RAPGEF6: variants seen among roughly 807,000 people sequenced by gnomAD.
RAPGEF6 encodes the protein Rap guanine nucleotide exchange factor 6.
RAPGEF6 carries 56 observed loss-of-function variants against 171.4 expected under a neutral mutation model. The observed-to-expected ratio is 0.33, with a 90% CI of 0.26 to 0.41. The LOEUF is 0.41. Ranked by LOEUF, RAPGEF6 falls within the 10% of genes least tolerant of loss-of-function variation. The probability of loss-of-function intolerance (pLI) is 1.00; values close to 1 mark genes in which losing one functional copy is unlikely to be tolerated. For synonymous variants in RAPGEF6, 692 were observed against 650.1 expected, an observed-to-expected ratio of 1.06 and a Z score of -0.98; for missense variants, 1,674 against 1,921.4, an observed-to-expected ratio of 0.87 and a Z score of 2.41.
chr5:131,498,175 A>G (rs1366544711), intron 12 of RAPGEF6, among the ~76,000 whole-genome samples: 1 of 152,166 alleles, frequency 6.6e-6, no homozygotes, highest in Non-Finnish European at 1.5e-5. Flanking sequence ...ATTCTAAAAT[A>G]CTCTCATGTA....
At chr5:131,621,211 C>T (rs531865875) in intron 1 of RAPGEF6, among the ~76,000 whole-genome samples, 2 of 152,278 alleles carry the variant, frequency 1.3e-5, no homozygotes, top group East Asian at 3.9e-4. Flanking sequence ...ATATCAAAAC[C>T]CATAGACACT....
chr5:131,465,138 T>C (rs1292518506), intron 17 of RAPGEF6, among the ~76,000 whole-genome samples: 1 of 152,160 alleles, frequency 6.6e-6, no homozygotes, highest in Non-Finnish European at 1.5e-5. Context: ...AGTCCAACTA[T>C]GAAGTGGAAA....
chr5:131,566,991 G>A (rs1437677449), intron 4 of RAPGEF6, among the ~76,000 whole-genome samples: 2 of 151,626 alleles, frequency 1.3e-5, no homozygotes, highest in Non-Finnish European at 2.9e-5. Context: ...CTACTCAGGA[G>A]GCTGAGGCAG....
chr5:131,427,136 T>C lies in RAPGEF6; in HGVS notation c.*130A>G, dbSNP rs1364847405. 2.4e-6 allele frequency: 2 copies of C among 830,574 alleles called. No homozygotes were observed. The highest frequency in any genetic ancestry group is 1.4e-5 in the South Asian group (1 of 69,324). The allele number at this position is 830,574 out of a possible 1,614,324, so 51.5% of individuals were successfully genotyped here. ...CTCAGGTCTATTTCATTGCTCGGAG[T>C]AGAGGGAATAAAACCTCTGGACTGG... On this transcript the variant is annotated 3_prime_UTR_variant, in exon 28 of 28. Transcript: ENST00000509018.
At chr5:131,479,293 C>A (rs564437274) in intron 16 of RAPGEF6, among the ~76,000 whole-genome samples, 1 of 151,954 alleles carries the variant, frequency 6.6e-6, no homozygotes, top group African/African-American at 2.4e-5. Context: ...ACAGTCTTTC[C>A]CAAAATTCAA....
Position 131,612,094 on chromosome 5 carries a change from C to T in RAPGEF6, c.70-7401G>A, listed in dbSNP as rs756849790. ...CTGTCACCCAGGCTGAGTGCAGTGA[C>T]GGCAATCATAGCTCACTGATGCCTC... On this transcript the variant is annotated intron_variant, in intron 1 of 27. Coordinates refer to ENST00000509018, the MANE Select transcript of RAPGEF6 (RefSeq NM_016340.6). Among the ~76,000 whole-genome samples the T allele has an allele frequency of 3.3e-5, 5 of 151,992 alleles. No homozygotes were observed. The South Asian group carries it at 1.0e-3, about 32-fold the overall frequency.
At chr5:131,623,366 A>T (rs1765705206) in intron 1 of RAPGEF6, among the ~76,000 whole-genome samples, 1 of 152,176 alleles carries the variant, frequency 6.6e-6, no homozygotes. Context: ...TAGTAATAGC[A>T]CATTTTGCCA....
intron 6 of RAPGEF6, among the ~76,000 whole-genome samples, chr5:131,541,012 G>GT (rs1347239780): frequency 3.3e-5 from 5 of 152,164 alleles, no homozygotes; most frequent in African/African-American, 1.2e-4. Context: ...ATTTCAAAAT[G>GT]TTTACCGTTA....
intron 16 of RAPGEF6, among the ~76,000 whole-genome samples, chr5:131,474,065 A>G (rs1754932003): frequency 6.6e-6 from 1 of 152,238 alleles, no homozygotes; most frequent in African/African-American, 2.4e-5. Context: ...GAGCAACACT[A>G]TCTCCCCCAG....
rs187904294 is a variant in RAPGEF6, at chr5:131,472,217, A to G, written c.2239+370T>C. The G allele has an allele frequency of 1.0e-3, 320 of 317,384 alleles. 1 individual carries two copies. Among genetic ancestry groups the G allele is most frequent in the African/African-American group, 6.3e-3 (291 of 46,194 alleles). 19.7% of individuals were successfully genotyped at this position (317,384 alleles called of 1,614,324 possible). ...CTCCCAAGTAGCTGGGACTACAGGC[A>G]CCCACCATCACGTCTGGCTAATTTT... On this transcript the variant is annotated intron_variant, in intron 17 of 27. Coordinates refer to ENST00000509018, the MANE Select transcript of RAPGEF6 (RefSeq NM_016340.6).
intron 17 of RAPGEF6, chr5:131,472,323 G>A (rs1217169212): frequency 3.2e-5 from 14 of 430,784 alleles, no homozygotes; most frequent in African/African-American, 6.1e-5. Context: ...CGCCCGCCTC[G>A]GCCTCCCAAA....
chr5:131,509,697 G>A (rs1322467980), intron 8 of RAPGEF6, among the ~76,000 whole-genome samples: 1 of 152,184 alleles, frequency 6.6e-6, no homozygotes, highest in Non-Finnish European at 1.5e-5. Flanking sequence ...TTATAGACAT[G>A]AAGGGAAAAA....
chr5:131,566,848 C>T (rs1049911714), intron 4 of RAPGEF6, among the ~76,000 whole-genome samples: 1 of 151,668 alleles, frequency 6.6e-6, no homozygotes, highest in African/African-American at 2.4e-5. Context: ...GTGGCTGACA[C>T]CTATAATCCC....
intron 21 of RAPGEF6, among the ~76,000 whole-genome samples, chr5:131,451,870 G>A (rs1753101138): frequency 6.6e-6 from 1 of 151,944 alleles, no homozygotes; most frequent in African/African-American, 2.4e-5. Flanking sequence ...TATACACATA[G>A]GCCCAAAAGG....
intron 4 of RAPGEF6, among the ~76,000 whole-genome samples, chr5:131,566,565 T>C (rs973796647): frequency 2.0e-5 from 3 of 152,164 alleles, no homozygotes; most frequent in Non-Finnish European, 2.9e-5. Flanking sequence ...TTGCCTAGTA[T>C]TGGTAGCAGT....
At chr5:131,618,905 C>T (rs757217245) in intron 1 of RAPGEF6, among the ~76,000 whole-genome samples, 2 of 152,020 alleles carry the variant, frequency 1.3e-5, no homozygotes, top group Non-Finnish European at 1.5e-5. Context: ...ACGGGAAGTA[C>T]AGACCACCAC....
chr5:131,630,004 G>A (rs1218061694), intron 1 of RAPGEF6, among the ~76,000 whole-genome samples: 1 of 152,208 alleles, frequency 6.6e-6, no homozygotes, highest in Non-Finnish European at 1.5e-5. Context: ...AGCAGCAGCA[G>A]AATTTGGGAG....
chr5:131,484,885 TTAC>T (rs1200093400), intron 15 of RAPGEF6, among the ~76,000 whole-genome samples: 5 of 152,202 alleles, frequency 3.3e-5, no homozygotes, highest in South Asian at 2.1e-4. Flanking sequence ...ATATATGCAC[TTAC>T]TACTTTTATT....
chr5:131,576,450 G>C (rs963127693), intron 4 of RAPGEF6, among the ~76,000 whole-genome samples: 7 of 152,136 alleles, frequency 4.6e-5, no homozygotes, highest in Non-Finnish European at 1.0e-4. Flanking sequence ...GCTGTTATAT[G>C]GGCAGAAAGA....
Sources: allele counts gnomAD v4.1 joint callset (sites outside exome capture counted in the v4.1 genomes callset), GRCh38; gene constraint gnomAD v4.1.1; transcripts MANE v1.5; gene names NCBI Gene and HGNC (gene_info 2026-07-23, HGNC 2026-07-21).